Variants in NKX3-2 observed in about 807,000 individuals in gnomAD.
NKX3-2 encodes NK3 homeobox 2.
In NKX3-2, 13 loss-of-function variants were observed where a neutral mutation model predicts 19.4. That is an observed-to-expected ratio of 0.67 (90% CI 0.44 to 1.07). The LOEUF is 1.07. Among genes scored for constraint, NKX3-2 ranks in the 50% least tolerant of loss-of-function variants. The probability of loss-of-function intolerance (pLI) is 0.00; values close to 1 mark genes in which losing one functional copy is unlikely to be tolerated. For missense variants in NKX3-2, 562 were observed against 488.2 expected, an observed-to-expected ratio of 1.15 and a Z score of -1.42; for synonymous variants, 269 against 230.5, an observed-to-expected ratio of 1.17 and a Z score of -1.51.
chr4:13,544,926 C>A (rs1718092386), upstream of NKX3-2: 1 of 152,136 alleles, frequency 6.6e-6, no homozygotes, highest in Non-Finnish European at 1.5e-5. Context: ...GCGGCGGCGG[C>A]GGTAGCCGCG....
chr4:13,544,449 CAG>C lies in NKX3-2; in HGVS notation c.-37_-36del, dbSNP rs1169764363. On this transcript the variant is annotated 5_prime_UTR_variant, in exon 1 of 2. Coordinates refer to ENST00000382438, the MANE Select transcript of NKX3-2 (RefSeq NM_001189.4). ...GGGCAGGAGCGGCCGGCGGGGCGGG[CAG>C]CTGGGGCGCCGAGCAGCTCCGAGCG... 23 of 1,439,420 alleles carry C rather than the reference CAG, an allele frequency of 1.6e-5. No homozygotes were observed. Among genetic ancestry groups the C allele is most frequent in the Non-Finnish European group, 9.1e-7 (1 of 1,098,602 alleles). The allele number at this position is 1,439,420 out of a possible 1,614,324, so 89.2% of individuals were successfully genotyped here. A position where few individuals can be genotyped will look rare whatever the true frequency, so the allele number is the denominator to read the frequency against.
At position 13,542,429 on chromosome 4, in the gene NKX3-2, G is replaced by T. The variant is rs961289999; in HGVS notation, c.566C>A (p.Pro189Gln). The stretch of plus-strand genomic sequence containing the variant: ...CTCCTCCTCCTCCGCGACGCCTGCC[G>T]GCCCGCTGCCGCCCCCGCCGCCGGC... ...SGAGGGGGSGPAGVAEEEEEP... is the reference protein window; with the variant it reads ...SGAGGGGGSGQAGVAEEEEEP... Residue 189 changes from proline to glutamine, a missense_variant, in exon 2 of 2, where the codon CCG (proline) becomes CAG (glutamine). Coordinates refer to ENST00000382438, the MANE Select transcript of NKX3-2 (RefSeq NM_001189.4). This position sits in a 1 kb window ranked among gnomAD's most constrained non-coding sequence, Gnocchi z 6.4. 2 of 1,548,186 alleles carry T rather than the reference G, an allele frequency of 1.3e-6. No individual in the cohort carries two copies. The highest frequency in any genetic ancestry group is 1.4e-5 in the African/African-American group (1 of 73,102).
In NKX3-2 at chr4:13,542,428, C is replaced by G. The variant is rs1345816934; in HGVS notation, c.567G>C (p.Pro189=). Residue 189 remains proline, a synonymous_variant, in exon 2 of 2, where the codon CCG becomes CCC. Transcript: ENST00000382438. This position sits in a 1 kb window ranked among gnomAD's most constrained non-coding sequence, Gnocchi z 6.4. ...CCTCCTCCTCCTCCGCGACGCCTGCCGGCCCGCTGCCGCCCCCGCCGCCGG... is the reference window on the plus strand; with the variant it reads ...CCTCCTCCTCCTCCGCGACGCCTGCGGGCCCGCTGCCGCCCCCGCCGCCGG... The part of the protein sequence containing the change: ...SGAGGGGGSG[P]AGVAEEEEEP... The G allele has an allele frequency of 1.3e-6, 2 of 1,546,358 alleles. No homozygotes were observed. Among genetic ancestry groups the G allele is most frequent in the Non-Finnish European group, 8.7e-7 (1 of 1,153,030 alleles).
chr4:13,542,604 G>T lies in NKX3-2; in HGVS notation c.467-76C>A. On this transcript the variant is annotated intron_variant, in intron 1 of 1. Transcript: ENST00000382438. The surrounding 1 kb of genome is among the most constrained non-coding windows in gnomAD (Gnocchi z 6.4). ...AGGTGAGGCCGGGCCTCAACTGCAGGGGTCACGGGAGTGGGGCGGAAATAC... is the reference window on the plus strand; with the variant it reads ...AGGTGAGGCCGGGCCTCAACTGCAGTGGTCACGGGAGTGGGGCGGAAATAC... The T allele has an allele frequency of 5.1e-6, 8 of 1,554,404 alleles. No individual in the cohort carries two copies. Among genetic ancestry groups the T allele is most frequent in the Non-Finnish European group, 7.0e-6 (8 of 1,142,044 alleles).
Position 13,543,835 on chromosome 4 carries a change from C to T in NKX3-2, c.466+114G>A, listed in dbSNP as rs1718048327. The T allele has an allele frequency of 2.8e-5, 28 of 1,005,230 alleles. 1 individual carries two copies. The South Asian group carries it at 5.0e-4, about 18-fold the overall frequency. The allele number at this position is 1,005,230 out of a possible 1,614,324, so 62.3% of individuals were successfully genotyped here. ...AGAGCGCAGAACTTCGGGATTTGGC[C>T]AGCCTCCGAGCCCCAGGGCGCAGGG... On this transcript the variant is annotated intron_variant, in intron 1 of 1. Coordinates refer to ENST00000382438, the MANE Select transcript of NKX3-2 (RefSeq NM_001189.4). The surrounding 1 kb of genome is among the most constrained non-coding windows in gnomAD (Gnocchi z 7.1).
upstream of NKX3-2, chr4:13,546,524 G>T: frequency 4.7e-6 from 1 of 212,836 alleles, no homozygotes; most frequent in Non-Finnish European, 9.7e-6. Context: ...CCTCACTTCG[G>T]GCAGGGATGT....
rs1228942710 is a variant in NKX3-2 at position 13,543,859 on chromosome 4, G to A, written c.466+90C>T. 4.2e-6 allele frequency: 5 copies of A among 1,199,448 alleles called. No homozygotes were observed. The highest frequency in any genetic ancestry group is 3.0e-5 in the Admixed American group (1 of 33,578). The allele number at this position is 1,199,448 out of a possible 1,614,324, so 74.3% of individuals were successfully genotyped here. ...CCAGCCTCCGAGCCCCAGGGCGCAG[G>A]GTGCTCAAGCCGACCACCCCACTCG... On this transcript the variant is annotated intron_variant, in intron 1 of 1. Transcript: ENST00000382438. The surrounding 1 kb of genome is among the most constrained non-coding windows in gnomAD (Gnocchi z 7.1).
Position 13,541,846 on chromosome 4 carries a change from C to A in NKX3-2, c.*147G>T. On this transcript the variant is annotated 3_prime_UTR_variant, in exon 2 of 2. Transcript: ENST00000382438. ...CAGACTCAGCCCAGCTGCCAGGGGA[C>A]AAGTCCTGGCTAACGGGAGCTGGAG... The A allele has an allele frequency of 1.6e-6, 2 of 1,272,828 alleles. No individual in the cohort carries two copies. Among genetic ancestry groups the A allele is most frequent in the Non-Finnish European group, 2.2e-6 (2 of 927,046 alleles). 78.8% of individuals were successfully genotyped at this position (1,272,828 alleles called of 1,614,324 possible). A position where few individuals can be genotyped will look rare whatever the true frequency, so the allele number is the denominator to read the frequency against.
In NKX3-2 at chr4:13,541,754, T is replaced by C. The variant is rs564588828; in HGVS notation, c.*239A>G. 5.6e-4 allele frequency: 282 copies of C among 505,548 alleles called. 1 individual carries two copies. In the Middle Eastern group the frequency reaches 0.013, roughly 23 times the overall value. 31.3% of individuals were successfully genotyped at this position (505,548 alleles called of 1,614,324 possible). On this transcript the variant is annotated 3_prime_UTR_variant, in exon 2 of 2. Coordinates refer to ENST00000382438, the MANE Select transcript of NKX3-2 (RefSeq NM_001189.4). The stretch of plus-strand genomic sequence containing the variant: ...TAGAGCCCAGGGGCTTCCAGGCAGG[T>C]GGGCGATCAGGGCCCCTAGGCCATA...
In NKX3-2 at chr4:13,542,399, G is replaced by C. The variant is rs757083947; in HGVS notation, c.596C>G (p.Pro199Arg). Residue 199 changes from proline (P) to arginine (R), a missense_variant, in exon 2 of 2, where the codon CCG becomes CGG. Pro to Arg is a moderately radical substitution (Grantham distance 103). Coordinates refer to ENST00000382438, the MANE Select transcript of NKX3-2 (RefSeq NM_001189.4). This position sits in a 1 kb window ranked among gnomAD's most constrained non-coding sequence, Gnocchi z 6.4. ...CTTCTTGCGTGGCTTGGGCGCCGCC[G>C]GCTCCTCCTCCTCCTCCGCGACGCC... ...PAGVAEEEEE[P>R]AAPKPRKKRS... 4.0e-6 allele frequency: 6 copies of C among 1,511,294 alleles called. No homozygotes were observed. Among genetic ancestry groups the C allele is most frequent in the South Asian group, 2.5e-5 (2 of 79,456 alleles). 93.6% of individuals were successfully genotyped at this position (1,511,294 alleles called of 1,614,324 possible). A position where few individuals can be genotyped will look rare whatever the true frequency, so the allele number is the denominator to read the frequency against.
upstream of NKX3-2, chr4:13,546,273 G>C (rs1163692807): frequency 6.6e-6 from 1 of 152,524 alleles, no homozygotes; most frequent in East Asian, 1.9e-4. Context: ...TCAGCATTTC[G>C]GTTACATGAT....
In NKX3-2 at chr4:13,542,509, G is replaced by A. The variant is rs1343390559; in HGVS notation, c.486C>T (p.Thr162=). The change falls in exon 2 of 2, where the codon ACC becomes ACT. Residue 162 remains threonine (T), a synonymous_variant. Coordinates refer to ENST00000382438, the MANE Select transcript of NKX3-2 (RefSeq NM_001189.4). This position sits in a 1 kb window ranked among gnomAD's most constrained non-coding sequence, Gnocchi z 6.4. ...CTCTGGGGCCAACACCGTCGTCCTCGGTCCTTGGGCTGCGGTCGCCTGCGG... is the reference window on the plus strand; with the variant it reads ...CTCTGGGGCCAACACCGTCGTCCTCAGTCCTTGGGCTGCGGTCGCCTGCGG... ...ASVSGDRSPR[T]EDDGVGPRGA... 1.3e-6 allele frequency: 2 copies of A among 1,596,536 alleles called. No homozygotes were observed. The highest frequency in any genetic ancestry group is 1.7e-6 in the Non-Finnish European group (2 of 1,179,618).
chr4:13,541,734 C>A lies in NKX3-2; in HGVS notation c.*259G>T. 1 of 490,424 alleles carries A rather than the reference C, an allele frequency of 2.0e-6. No individual in the cohort carries two copies. The highest frequency in any genetic ancestry group is 3.6e-6 in the Non-Finnish European group (1 of 276,996). 30.4% of individuals were successfully genotyped at this position (490,424 alleles called of 1,614,324 possible). A position where few individuals can be genotyped will look rare whatever the true frequency, so the allele number is the denominator to read the frequency against. ...AACATTGTCATGATAATAAATAGAG[C>A]CCAGGGGCTTCCAGGCAGGTGGGCG... On this transcript the variant is annotated 3_prime_UTR_variant, in exon 2 of 2. Transcript: ENST00000382438.
upstream of NKX3-2, chr4:13,547,169 T>C (rs1366359755): frequency 3.3e-5 from 15 of 456,158 alleles, no homozygotes; most frequent in Non-Finnish European, 6.2e-5. Flanking sequence ...GGGGAGGTGG[T>C]TGTATGCCCA....
At position 13,541,706 on chromosome 4, in the gene NKX3-2, TCCAACATTGTCATGATAATAAATAGAGC is replaced by T; in HGVS notation, c.*259_*286del. On this transcript the variant is annotated 3_prime_UTR_variant, in exon 2 of 2. Coordinates refer to ENST00000382438, the MANE Select transcript of NKX3-2 (RefSeq NM_001189.4). The stretch of plus-strand genomic sequence containing the variant: ...AGACATATTCGAATCAAAATTTAAT[TCCAACATTGTCATGATAATAAATAGAGC>T]CCAGGGGCTTCCAGGCAGGTGGGCG... The T allele has an allele frequency of 2.6e-6, 1 of 390,464 alleles. No individual in the cohort carries two copies. The highest frequency in any genetic ancestry group is 6.9e-5 in the South Asian group (1 of 14,552). The allele number at this position is 390,464 out of a possible 1,614,324, so 24.2% of individuals were successfully genotyped here.
chr4:13,546,163 G>C (rs150838617), upstream of NKX3-2: 3 of 152,308 alleles, frequency 2.0e-5, no homozygotes, highest in East Asian at 5.8e-4. Context: ...TCCCCTTGTT[G>C]CTTTCTTTTT....
At position 13,544,105 on chromosome 4, in the gene NKX3-2, T is replaced by G; in HGVS notation, c.310A>C (p.Arg104=). ...DSALSEENES[R]RRCADARGAS... ...CCCCGCGCGTCCGCGCAGCGCCGCC[T>G]GCTCTCGTTCTCCTCGCTGAGCGCG... The change falls in exon 1 of 2, where the codon AGG becomes CGG. Residue 104 remains arginine (R), a synonymous_variant. Coordinates refer to ENST00000382438, the MANE Select transcript of NKX3-2 (RefSeq NM_001189.4). 6.3e-7 allele frequency: 1 copy of G among 1,597,208 alleles called. No homozygotes were observed. The highest frequency in any genetic ancestry group is 1.1e-5 in the South Asian group (1 of 88,658).
chr4:13,545,630 G>C (rs1329311704), upstream of NKX3-2, among the ~76,000 whole-genome samples: 1 of 152,162 alleles, frequency 6.6e-6, no homozygotes. Context: ...GTCAGGAGAA[G>C]AATTGAAAGG....
upstream of NKX3-2, chr4:13,547,105 A>G (rs1718149130): frequency 2.2e-6 from 1 of 456,328 alleles, no homozygotes; most frequent in Non-Finnish European, 4.4e-6. Context: ...TTGAGCTGCA[A>G]CTAGAAGCTG....
Sources: gnomAD v4.1 joint callset for allele counts (sites outside exome capture counted in the v4.1 genomes callset) on GRCh38, gnomAD v4.1.1 for gene constraint, Gnocchi (gnomAD v3.1) non-coding constraint, MANE v1.5 for transcripts, NCBI Gene and HGNC (gene_info 2026-07-23, HGNC 2026-07-21) for gene names.